Variants in SLC16A7 observed in about 807,000 individuals in gnomAD.
SLC16A7 encodes the protein solute carrier family 16 member 7.
A neutral mutation model predicts 34.9 loss-of-function variants in SLC16A7; 33 were observed. The ratio of observed to expected loss-of-function variants is 0.94; its 90% CI spans 0.72 to 1.26. The LOEUF is 1.26. SLC16A7 is among the 50% of genes most tolerant of loss of function. The probability of loss-of-function intolerance (pLI) is 0.00; values close to 1 mark genes in which losing one functional copy is unlikely to be tolerated. For synonymous variants in SLC16A7, 201 were observed against 206.6 expected (o/e 0.97, Z 0.23); for missense variants, 573 against 578.1 (o/e 0.99, Z 0.09).
chr12:59,687,313 T>C (rs1026790470), intron 2 of SLC16A7, among the ~76,000 whole-genome samples: 1 of 152,028 alleles, frequency 6.6e-6, no homozygotes, highest in Non-Finnish European at 1.5e-5. Context: ...TATGGCCTTA[T>C]TGCTTCCATA....
intron 3 of SLC16A7, among the ~76,000 whole-genome samples, chr12:59,755,369 C>A (rs186267563): frequency 9.8e-4 from 149 of 152,146 alleles, no homozygotes; most frequent in Non-Finnish European, 1.5e-3. Flanking sequence ...TTGTCTCAGC[C>A]CAAAATCTCC....
intron 3 of SLC16A7, chr12:59,768,178 C>T: frequency 2.2e-6 from 1 of 455,706 alleles, no homozygotes; most frequent in Non-Finnish European, 4.4e-6. Flanking sequence ...GATGGAAAAT[C>T]TTCTGGAAAG....
intron 1 of SLC16A7, among the ~76,000 whole-genome samples, chr12:59,635,609 C>T (rs1880383988): frequency 6.6e-6 from 1 of 152,000 alleles, no homozygotes; most frequent in Non-Finnish European, 1.5e-5. Context: ...ATCCATGTAT[C>T]AGTTATACAA....
intron 2 of SLC16A7, among the ~76,000 whole-genome samples, chr12:59,660,594 T>G (rs1327460255): frequency 6.6e-6 from 1 of 151,806 alleles, no homozygotes; most frequent in African/African-American, 2.4e-5. Flanking sequence ...TGTATCTGTA[T>G]TCCCACCTAC....
At chr12:59,637,041 A>G (rs1009001203) in intron 1 of SLC16A7, among the ~76,000 whole-genome samples, 3 of 152,142 alleles carry the variant, frequency 2.0e-5, no homozygotes, top group Admixed American at 2.0e-4. Flanking sequence ...TTGAGTATTA[A>G]AAAAGAAACT....
At chr12:59,640,192 C>A (rs1217019011) in intron 1 of SLC16A7, among the ~76,000 whole-genome samples, 3 of 151,950 alleles carry the variant, frequency 2.0e-5, no homozygotes, top group Admixed American at 1.3e-4. Context: ...CAGCCACATG[C>A]CAAATTTAAA....
chr12:59,751,663 C>T (rs1879582041), intron 3 of SLC16A7, among the ~76,000 whole-genome samples: 1 of 152,228 alleles, frequency 6.6e-6, no homozygotes, highest in African/African-American at 2.4e-5. Context: ...GTAGGCTCCA[C>T]CTCTGGGAGC....
intron 2 of SLC16A7, chr12:59,664,822 AG>A (rs1001815328): frequency 6.6e-6 from 1 of 152,194 alleles, no homozygotes; most frequent in African/African-American, 2.4e-5. Flanking sequence ...GGGAGGGCAA[AG>A]CAGAGTCTCT....
chr12:59,713,401 G>A (rs891604511), intron 3 of SLC16A7, among the ~76,000 whole-genome samples: 4 of 151,974 alleles, frequency 2.6e-5, no homozygotes, highest in East Asian at 1.9e-4. Flanking sequence ...AGAATTTACC[G>A]CAGTTCTTTT....
At chr12:59,635,568 C>T (rs927057892) in intron 1 of SLC16A7, among the ~76,000 whole-genome samples, 1 of 152,036 alleles carries the variant, frequency 6.6e-6, no homozygotes, top group Admixed American at 6.6e-5. Context: ...AATTTTCCAG[C>T]AGTTTGAAAC....
intron 2 of SLC16A7, among the ~76,000 whole-genome samples, chr12:59,688,157 CTCT>C (rs1448491897): frequency 7.2e-5 from 11 of 152,034 alleles, no homozygotes; most frequent in Non-Finnish European, 8.8e-5. Context: ...TCATTTCCTC[CTCT>C]TCTTTTGATA....
At chr12:59,769,298 A>G (rs1416980741) in intron 3 of SLC16A7, 1 of 152,152 alleles carries the variant, frequency 6.6e-6, no homozygotes, top group Non-Finnish European at 1.5e-5. Flanking sequence ...CACTTTATCA[A>G]GGTTCTCTGG....
intron 2 of SLC16A7, among the ~76,000 whole-genome samples, chr12:59,668,553 G>C (rs1318861075): frequency 2.6e-5 from 4 of 152,152 alleles, no homozygotes; most frequent in Admixed American, 2.6e-4. Context: ...CTGCACCCCA[G>C]TTGTATCTAG....
rs1877548236 is a variant in SLC16A7 at position 59,736,016 on chromosome 12, T to G, written c.217+30998T>G. The stretch of plus-strand genomic sequence containing the variant: ...AACAAGATTTTGGTAGAAACATTAT[T>G]TTAATGTATGGTTTTAATAAGAACT... On this transcript the variant is annotated intron_variant, in intron 3 of 5. Transcript: ENST00000547379. 7 of 648,504 alleles carry G rather than the reference T, an allele frequency of 1.1e-5. No homozygotes were observed. The South Asian group carries it at 1.1e-4, about 10-fold the overall frequency. The allele number at this position is 648,504 out of a possible 1,614,324, so 40.2% of individuals were successfully genotyped here. A position where few individuals can be genotyped will look rare whatever the true frequency, so the allele number is the denominator to read the frequency against.
intron 1 of SLC16A7, among the ~76,000 whole-genome samples, chr12:59,640,019 T>G (rs1002404160): frequency 2.0e-5 from 3 of 152,122 alleles, no homozygotes; most frequent in African/African-American, 7.2e-5. Context: ...AGGGAACATT[T>G]TCTTATAGTT....
rs1878381448 is a variant in SLC16A7 at position 59,596,156 on chromosome 12, C to T, written c.-210C>T. On this transcript the variant is annotated 5_prime_UTR_variant, in exon 1 of 6. Transcript: ENST00000547379. The surrounding 1 kb of genome is among the most constrained non-coding windows in gnomAD (Gnocchi z 5.0). ...AAATAAATAAATAATTCCATTCACC[C>T]GTTGACAGCGAGGCGAATCGGCTGC... is the stretch of plus-strand genomic sequence containing the variant. 1 of 152,352 alleles carries T rather than the reference C, an allele frequency of 6.6e-6. No individual in the cohort carries two copies. Among genetic ancestry groups the T allele is most frequent in the African/African-American group, 2.4e-5 (1 of 41,434 alleles). The allele number at this position is 152,352 out of a possible 1,614,324, so 9.4% of individuals were successfully genotyped here.
At chr12:59,684,290 A>G (rs765279263) in intron 2 of SLC16A7, among the ~76,000 whole-genome samples, 2 of 152,248 alleles carry the variant, frequency 1.3e-5, no homozygotes, top group Non-Finnish European at 2.9e-5. Context: ...CTTTAGAAAG[A>G]CAAAAGACTT....
intron 1 of SLC16A7, among the ~76,000 whole-genome samples, chr12:59,654,881 A>G (rs1868457766): frequency 6.6e-6 from 1 of 151,906 alleles, no homozygotes; most frequent in South Asian, 2.1e-4. Context: ...AGAAAATATA[A>G]AGGCAGGCAC....
intron 1 of SLC16A7, among the ~76,000 whole-genome samples, chr12:59,646,262 A>T (rs1023368538): frequency 1.3e-5 from 2 of 152,096 alleles, no homozygotes; most frequent in Non-Finnish European, 2.9e-5. Flanking sequence ...GGAGGGAAAA[A>T]TCATTTCCTG....
Sources: allele counts gnomAD v4.1 joint callset (sites outside exome capture counted in the v4.1 genomes callset), GRCh38; gene constraint gnomAD v4.1.1; non-coding constraint Gnocchi (gnomAD v3.1); transcripts MANE v1.5; gene names NCBI Gene and HGNC (gene_info 2026-07-23, HGNC 2026-07-21).